EXOC4: variants seen among roughly 807,000 people sequenced by gnomAD.
The protein encoded by EXOC4 is SEC8-like 1.
EXOC4 carries 71 observed loss-of-function variants against 107.2 expected under a neutral mutation model. The observed-to-expected ratio is 0.66, with a 90% confidence interval of 0.55 to 0.81. The LOEUF is 0.81. Among genes scored for constraint, EXOC4 ranks in the 30% least tolerant of loss-of-function variants. The pLI, the probability that EXOC4 is intolerant of heterozygous loss-of-function variation, is 0.00. For synonymous variants in EXOC4, 456 were observed against 441.2 expected (o/e 1.03, Z -0.42); for missense variants, 1,108 against 1,189.6 (o/e 0.93, Z 1.01).
At chr7:133,676,959 G>GTGTGTGTGTGTGTGTGTGTGTGTGTA (rs1554382531) in intron 10 of EXOC4, among the ~76,000 whole-genome samples, 15 of 138,762 alleles carry the variant, frequency 1.1e-4, no homozygotes, top group Admixed American at 4.5e-4. Flanking sequence ...GTGTGTGTAT[G>GTGTGTGTGTGTGTGTGTGTGTGTGTA]TGTGTGTGTG....
intron 10 of EXOC4, among the ~76,000 whole-genome samples, chr7:133,803,791 TAAATA>T (rs1395637566): frequency 6.6e-6 from 1 of 152,122 alleles, no homozygotes; most frequent in African/African-American, 2.4e-5. Flanking sequence ...TATGAAAACA[TAAATA>T]AAATAGAAAG....
Position 133,364,166 on chromosome 7 carries a change from C to T in EXOC4, c.1007+7593C>T, listed in dbSNP as rs1796196137. 2.6e-5 allele frequency among the ~76,000 whole-genome samples: 4 copies of T among 151,986 alleles called. No homozygotes were observed. The South Asian group carries it at 8.3e-4, about 31-fold the overall frequency. ...ATGGAGATGTGGTCTCACTCTGTCG[C>T]TGAGGCTGGAATGTAGAGGCCCAAT... On this transcript the variant is annotated intron_variant, in intron 6 of 17. Coordinates refer to ENST00000253861, the MANE Select transcript of EXOC4 (RefSeq NM_021807.4).
chr7:133,317,439 C>T (rs1365234385), intron 5 of EXOC4, 49 bp downstream of exon 5: 1 of 1,307,816 alleles, frequency 7.6e-7, no homozygotes, highest in South Asian at 1.2e-5. Context: ...TGTCTTAGTT[C>T]CTAGGTAGAT....
At chr7:133,509,145 G>A (rs1375763444) in intron 9 of EXOC4, among the ~76,000 whole-genome samples, 2 of 152,086 alleles carry the variant, frequency 1.3e-5, no homozygotes, top group African/African-American at 4.8e-5. Flanking sequence ...TATAAGCAGA[G>A]GGGCCGGGCA....
chr7:133,824,013 C>T (rs1055425080), intron 11 of EXOC4, among the ~76,000 whole-genome samples: 3 of 143,624 alleles, frequency 2.1e-5, no homozygotes, highest in African/African-American at 7.7e-5. Flanking sequence ...TTGAACCAAG[C>T]CTTGTACATA....
chr7:133,743,883 GGTGTGT>G, intron 10 of EXOC4, among the ~76,000 whole-genome samples: 1 of 152,078 alleles, frequency 6.6e-6, no homozygotes, highest in Non-Finnish European at 1.5e-5. Flanking sequence ...TTAGTAGGTT[GGTGTGT>G]CTGCCTCCTA....
At chr7:133,470,088 G>T in intron 7 of EXOC4, among the ~76,000 whole-genome samples, 1 of 152,148 alleles carries the variant, frequency 6.6e-6, no homozygotes, top group East Asian at 1.9e-4. Context: ...TGAGGAGAGG[G>T]TTTTGTAAGC....
chr7:133,505,193 G>A (rs1799645480), intron 9 of EXOC4, among the ~76,000 whole-genome samples: 3 of 152,194 alleles, frequency 2.0e-5, no homozygotes, highest in African/African-American at 7.2e-5. Flanking sequence ...CAGGCAAATG[G>A]ACACTTAAGG....
Position 134,004,926 on chromosome 7 carries a change from A to G in EXOC4, c.2363A>G (p.His788Arg), listed in dbSNP as rs1383067240. Residue 788 changes from histidine to arginine, a missense_variant, in exon 16 of 18, where the codon CAC (histidine) becomes CGC (arginine). His to Arg is a conservative substitution (Grantham distance 29, BLOSUM62 0). Coordinates refer to ENST00000253861, the MANE Select transcript of EXOC4 (RefSeq NM_021807.4). ...CTCTTTTTCAGGGTTCACTGTTTCC[A>G]CTATCTTATCCCTCTTGCAAAGGAG... ...LHLEVRVHCF[H>R]YLIPLAKEGN... is the part of the protein sequence containing the mutation. 1.2e-6 allele frequency: 2 copies of G among 1,611,990 alleles called. No individual in the cohort carries two copies. The highest frequency in any genetic ancestry group is 1.1e-5 in the South Asian group (1 of 90,834).
intron 1 of EXOC4, among the ~76,000 whole-genome samples, chr7:133,267,869 G>A (rs993853529): frequency 1.3e-5 from 2 of 152,134 alleles, no homozygotes; most frequent in African/African-American, 4.8e-5. Context: ...TCGCACTGCT[G>A]CTCATTACTT....
intron 10 of EXOC4, among the ~76,000 whole-genome samples, chr7:133,673,218 T>C (rs1793985790): frequency 6.6e-6 from 1 of 152,232 alleles, no homozygotes; most frequent in South Asian, 2.1e-4. Flanking sequence ...CTTCTTTGGT[T>C]CCTTAAAGGA....
intron 10 of EXOC4, among the ~76,000 whole-genome samples, chr7:133,762,232 G>A (rs545145674): frequency 1.3e-5 from 2 of 151,978 alleles, no homozygotes; most frequent in Non-Finnish European, 2.9e-5. Flanking sequence ...TAAGCTATTA[G>A]GTTTGAACAA....
At chr7:133,958,578 C>A (rs1052692382) in intron 14 of EXOC4, among the ~76,000 whole-genome samples, 20 of 152,228 alleles carry the variant, frequency 1.3e-4, no homozygotes, top group African/African-American at 4.8e-4. Context: ...CCTATAGTAC[C>A]TACTCTGGCA....
intron 9 of EXOC4, among the ~76,000 whole-genome samples, chr7:133,587,354 G>C (rs529949007): frequency 6.6e-6 from 1 of 152,284 alleles, no homozygotes; most frequent in Non-Finnish European, 1.5e-5. Context: ...GCCTCTACCA[G>C]GCATTATTAA....
At chr7:133,816,286 C>T (rs532298926) in intron 10 of EXOC4, among the ~76,000 whole-genome samples, 1 of 152,072 alleles carries the variant, frequency 6.6e-6, no homozygotes, top group East Asian at 1.9e-4. Context: ...TCATATTAAA[C>T]CACACAAATC....
chr7:133,438,158 G>T (rs1445994521), intron 7 of EXOC4, among the ~76,000 whole-genome samples: 1 of 152,036 alleles, frequency 6.6e-6, no homozygotes, highest in Non-Finnish European at 1.5e-5. Context: ...AACTACATTA[G>T]GTGTTTCTTG....
intron 14 of EXOC4, among the ~76,000 whole-genome samples, chr7:133,995,997 T>C (rs2116275764): frequency 6.6e-6 from 1 of 152,244 alleles, no homozygotes. Context: ...AAAGGACTCT[T>C]TGAAAAAGAG....
intron 10 of EXOC4, among the ~76,000 whole-genome samples, chr7:133,786,871 T>C (rs1385191983): frequency 6.6e-6 from 1 of 152,228 alleles, no homozygotes; most frequent in Non-Finnish European, 1.5e-5. Context: ...CACTAATGTA[T>C]GTTCAGCATC....
intron 3 of EXOC4, among the ~76,000 whole-genome samples, chr7:133,293,812 G>A (rs1417913729): frequency 6.6e-6 from 1 of 152,208 alleles, no homozygotes; most frequent in African/African-American, 2.4e-5. Flanking sequence ...AGCTAAAAAT[G>A]ATCCAACAAG....
Sources: allele counts gnomAD v4.1 joint callset (sites outside exome capture counted in the v4.1 genomes callset), GRCh38; gene constraint gnomAD v4.1.1; transcripts MANE v1.5; gene names NCBI Gene and HGNC (gene_info 2026-07-23, HGNC 2026-07-21).